The following TLN2 variants were observed in gnomAD, a reference collection of about 807,000 sequenced individuals.
The protein encoded by TLN2 is talin-2.
Under a neutral mutation model 294.7 loss-of-function variants are expected in TLN2, and 118 were observed. That is an observed-to-expected ratio of 0.40 (90% CI 0.34 to 0.47). The LOEUF is 0.47. Ranked by LOEUF, TLN2 falls within the 20% of genes least tolerant of loss-of-function variation. TLN2 has a pLI of 0.84. For missense variants in TLN2, 3,083 were observed against 3,282.2 expected, an observed-to-expected ratio of 0.94 and a Z score of 1.48; for synonymous variants, 1,431 against 1,304.5, an observed-to-expected ratio of 1.10 and a Z score of -2.09.
intron 42 of TLN2, 149 bp from the exon 43 acceptor site, chr15:62,776,615 G>A: frequency 1.3e-6 from 1 of 753,516 alleles, no homozygotes. Flanking sequence ...CAAACAAATG[G>A]CCAAACATAA....
At chr15:62,779,502 A>G (rs887531837) in intron 43 of TLN2, among the ~76,000 whole-genome samples, 3 of 152,212 alleles carry the variant, frequency 2.0e-5, no homozygotes, top group African/African-American at 7.2e-5. Context: ...CAAATAAATG[A>G]AATTGAAATC....
At chr15:62,633,188 G>C (rs537764886) in intron 3 of TLN2, among the ~76,000 whole-genome samples, 1 of 152,314 alleles carries the variant, frequency 6.6e-6, no homozygotes, top group Non-Finnish European at 1.5e-5. Context: ...GATATGCCCT[G>C]GTTAGAGTCC....
intron 43 of TLN2, among the ~76,000 whole-genome samples, chr15:62,778,351 T>C (rs900481277): frequency 2.6e-5 from 4 of 152,132 alleles, no homozygotes; most frequent in Non-Finnish European, 5.9e-5. Flanking sequence ...TCTCAGTAGA[T>C]TTGTTTGGTT....
intron 1 of TLN2, among the ~76,000 whole-genome samples, chr15:62,548,842 C>G (rs996002531): frequency 6.6e-6 from 1 of 152,064 alleles, no homozygotes; most frequent in Admixed American, 6.5e-5. Context: ...GGATTTACAA[C>G]AAAAATAATG....
chr15:62,720,158 C>G (rs1195567439), intron 25 of TLN2, among the ~76,000 whole-genome samples: 1 of 152,190 alleles, frequency 6.6e-6, no homozygotes, highest in Non-Finnish European at 1.5e-5. Flanking sequence ...GAAGAAAACA[C>G]GTAAAATGTT....
Position 62,423,370 on chromosome 15 carries a change from T to TA in TLN2, c.-238+32691dup, listed in dbSNP as rs1220935349. ...CAGGTGATAGAGTGAGACCCTTTTT[T>TA]AAAAAACAAAACAAAACAAAACAAC... is the stretch of plus-strand genomic sequence containing the variant. On this transcript the variant is annotated intron_variant, in intron 1 of 58. Coordinates refer to ENST00000636159, the MANE Select transcript of TLN2 (RefSeq NM_015059.3). 3.3e-5 allele frequency among the ~76,000 whole-genome samples: 5 copies of TA among 152,108 alleles called. No individual in the cohort carries two copies. The East Asian group carries it at 7.7e-4, about 24-fold the overall frequency.
intron 1 of TLN2, among the ~76,000 whole-genome samples, chr15:62,396,119 C>T (rs1239379360): frequency 6.6e-6 from 1 of 152,156 alleles, no homozygotes; most frequent in Admixed American, 6.5e-5. Flanking sequence ...CAGGCATGAG[C>T]CACTGTGCCT....
rs938734467 is a variant in TLN2 at position 62,650,174 on chromosome 15, G to A, written c.227G>A (p.Arg76Gln). The A allele has an allele frequency of 5.0e-6, 8 of 1,614,110 alleles. No homozygotes were observed. The highest frequency in any genetic ancestry group is 2.2e-5 in the South Asian group (2 of 91,070). ...AGAACACTGGATTACTACATGTTGC[G>A]GAATGGGGTATGCTGCCAATCCCAG... Reference protein sequence around the residue: ...AGRTLDYYMLRNGDILEYKKK... With the variant: ...AGRTLDYYMLQNGDILEYKKK... Residue 76 changes from arginine to glutamine, a missense_variant, in exon 5 of 59, where the codon CGG becomes CAG. Transcript: ENST00000636159.
At chr15:62,409,769 G>A (rs957381769) in intron 1 of TLN2, among the ~76,000 whole-genome samples, 5 of 152,098 alleles carry the variant, frequency 3.3e-5, no homozygotes, top group African/African-American at 1.2e-4. Flanking sequence ...GAGGGGGAGG[G>A]TTGGGAGGAG....
chr15:62,493,821 G>T (rs759855203), intron 1 of TLN2, among the ~76,000 whole-genome samples: 1 of 152,074 alleles, frequency 6.6e-6, no homozygotes, highest in Non-Finnish European at 1.5e-5. Context: ...ATGTTTGCCA[G>T]GCTGGTCTCG....
At chr15:62,751,026 A>T (rs1167033122) in intron 34 of TLN2, among the ~76,000 whole-genome samples, 1 of 152,152 alleles carries the variant, frequency 6.6e-6, no homozygotes, top group Non-Finnish European at 1.5e-5. Context: ...TTGAAAAAAA[A>T]TTAAGATAAT....
At chr15:62,797,198 C>G (rs757398488) in intron 47 of TLN2, 21 bp from the exon 48 acceptor site, 7 of 1,613,834 alleles carry the variant, frequency 4.3e-6, no homozygotes, top group Non-Finnish European at 5.9e-6. Flanking sequence ...CCCCTCTCCC[C>G]TGCCCTCCTG....
At chr15:62,507,358 A>G (rs955399363) in intron 1 of TLN2, among the ~76,000 whole-genome samples, 1 of 151,958 alleles carries the variant, frequency 6.6e-6, no homozygotes, top group Non-Finnish European at 1.5e-5. Context: ...TCTCATTGAG[A>G]CCCCCGTGTG....
At chr15:62,472,415 C>G (rs759878949) in intron 1 of TLN2, among the ~76,000 whole-genome samples, 1 of 152,160 alleles carries the variant, frequency 6.6e-6, no homozygotes, top group Non-Finnish European at 1.5e-5. Flanking sequence ...GATGCGGCTC[C>G]CTTCGCCTCT....
intron 45 of TLN2, among the ~76,000 whole-genome samples, chr15:62,786,763 G>A (rs537989486): frequency 1.3e-5 from 2 of 152,282 alleles, no homozygotes; most frequent in East Asian, 1.9e-4. Context: ...CACACGTGCT[G>A]GAGGTGGGAA....
In TLN2 at chr15:62,647,240, G is replaced by A. The variant is rs1437394123; in HGVS notation, c.-36-35G>A. 2.0e-5 allele frequency: 30 copies of A among 1,508,550 alleles called. 1 individual carries two copies. Among genetic ancestry groups the A allele is most frequent in the Middle Eastern group, 1.8e-4 (1 of 5,494 alleles). 93.4% of individuals were successfully genotyped at this position (1,508,550 alleles called of 1,614,324 possible). A position where few individuals can be genotyped will look rare whatever the true frequency, so the allele number is the denominator to read the frequency against. On this transcript the variant is annotated intron_variant, in intron 3 of 58. Coordinates refer to ENST00000636159, the MANE Select transcript of TLN2 (RefSeq NM_015059.3). ...TTTTTCCCCAAGACAAATTATTATC[G>A]TGAACATCAGGGTTTGTCTCTTTGT...
In TLN2 at chr15:62,764,279, T is replaced by C. The variant is rs545361693; in HGVS notation, c.5094+584T>C. On this transcript the variant is annotated intron_variant, in intron 40 of 58. Coordinates refer to ENST00000636159, the MANE Select transcript of TLN2 (RefSeq NM_015059.3). ...TTCCTGCTTTTTCCCTTTGGGTCTTTTTCTATTACCTGTCCAAAGGTTCCT... is the reference window on the plus strand; with the variant it reads ...TTCCTGCTTTTTCCCTTTGGGTCTTCTTCTATTACCTGTCCAAAGGTTCCT... Among the ~76,000 whole-genome samples the C allele has an allele frequency of 2.6e-5, 4 of 152,318 alleles. No individual in the cohort carries two copies. The East Asian group carries it at 7.7e-4, about 29-fold the overall frequency.
chr15:62,457,332 A>G (rs912316970), intron 1 of TLN2, among the ~76,000 whole-genome samples: 3 of 152,200 alleles, frequency 2.0e-5, no homozygotes, highest in African/African-American at 4.8e-5. Flanking sequence ...TAACCTCATC[A>G]TGAAGGCTCC....
intron 22 of TLN2, among the ~76,000 whole-genome samples, chr15:62,715,977 CA>C (rs1237766392): frequency 6.6e-6 from 1 of 152,154 alleles, no homozygotes; most frequent in Non-Finnish European, 1.5e-5. Context: ...TGTGTCATGC[CA>C]ATGAAAAGAA....
Sources: gnomAD v4.1 joint callset for allele counts (sites outside exome capture counted in the v4.1 genomes callset) on GRCh38, gnomAD v4.1.1 for gene constraint, MANE v1.5 for transcripts, NCBI Gene and HGNC (gene_info 2026-07-23, HGNC 2026-07-21) for gene names.